The following GREB1 variants were observed in gnomAD, a reference collection of about 807,000 sequenced individuals.
The protein encoded by GREB1 is growth regulating estrogen receptor binding 1.
In GREB1, 106 loss-of-function variants were observed where a neutral mutation model predicts 200.7. The observed-to-expected ratio is 0.53, with a 90% CI of 0.45 to 0.62. The LOEUF (loss-of-function observed/expected upper bound fraction) is 0.62, where lower values mean the gene tolerates loss of function less well. Ranked by LOEUF, GREB1 falls within the 20% of genes least tolerant of loss-of-function variation. The pLI, the probability that GREB1 is intolerant of heterozygous loss-of-function variation, is 0.00. For missense variants in GREB1, 2,243 were observed against 2,556.8 expected, an observed-to-expected ratio of 0.88 and a Z score of 2.65; for synonymous variants, 1,132 against 1,092.4, an observed-to-expected ratio of 1.04 and a Z score of -0.72.
At chr2:11,527,543 C>CA (rs1213423807) in intron 1 of GREB1, among the ~76,000 whole-genome samples, 9 of 152,188 alleles carry the variant, frequency 5.9e-5, no homozygotes, top group Admixed American at 3.9e-4. Context: ...AGCTTGGTCC[C>CA]AGAGTGGGAC....
intron 1 of GREB1, among the ~76,000 whole-genome samples, chr2:11,527,428 G>A (rs745466794): frequency 1.3e-5 from 2 of 152,190 alleles, no homozygotes; most frequent in African/African-American, 2.4e-5. Context: ...GCTGTTTTCT[G>A]TAATGGTTTC....
At chr2:11,636,721 G>C (rs1572227284) in intron 30 of GREB1, among the ~76,000 whole-genome samples, 1 of 151,988 alleles carries the variant, frequency 6.6e-6, no homozygotes, top group Non-Finnish European at 1.5e-5. Context: ...CCCAGGCAGG[G>C]GCAAGGGCAG....
At chr2:11,545,488 C>G (rs1675187197) in intron 1 of GREB1, among the ~76,000 whole-genome samples, 1 of 152,168 alleles carries the variant, frequency 6.6e-6, no homozygotes, top group Non-Finnish European at 1.5e-5. Context: ...ACAAAAGAAC[C>G]CAAGGCAATC....
intron 1 of GREB1, among the ~76,000 whole-genome samples, chr2:11,523,737 C>A (rs1673780775): frequency 6.6e-6 from 1 of 152,184 alleles, no homozygotes; most frequent in Non-Finnish European, 1.5e-5. Flanking sequence ...CAGTCTCCTT[C>A]CTGTTTTCTT....
At chr2:11,615,413 G>C (rs1009886845) in intron 20 of GREB1, 123 bp downstream of exon 20, 2 of 784,294 alleles carry the variant, frequency 2.6e-6, no homozygotes, top group African/African-American at 3.4e-5. Flanking sequence ...CCTGGGACCT[G>C]TCTGCTGGAC....
chr2:11,565,219 G>A (rs896997283), intron 3 of GREB1, among the ~76,000 whole-genome samples: 4 of 152,172 alleles, frequency 2.6e-5, no homozygotes, highest in African/African-American at 4.8e-5. Flanking sequence ...TTCAAAATGG[G>A]AACAGCCACA....
At chr2:11,539,496 C>T (rs1426134599) in intron 1 of GREB1, among the ~76,000 whole-genome samples, 1 of 152,316 alleles carries the variant, frequency 6.6e-6, no homozygotes, top group Non-Finnish European at 1.5e-5. Context: ...TGTAGTCCTT[C>T]GGAGGCAAGC....
chr2:11,564,113 A>G (rs1677374934), intron 3 of GREB1, among the ~76,000 whole-genome samples: 1 of 152,190 alleles, frequency 6.6e-6, no homozygotes, highest in Non-Finnish European at 1.5e-5. Context: ...GTGAAATTAC[A>G]GCTCATTTGG....
chr2:11,495,496 A>G (rs989606752), intron 1 of GREB1, among the ~76,000 whole-genome samples: 4 of 152,126 alleles, frequency 2.6e-5, no homozygotes, highest in Admixed American at 2.0e-4. Flanking sequence ...CTTCTAACCA[A>G]ACTGTTACCT....
rs573441774 is a variant in GREB1, at chr2:11,493,690, G to A, written c.-159+11309G>A. Among the ~76,000 whole-genome samples the A allele has an allele frequency of 2.0e-5, 3 of 152,282 alleles. No homozygotes were observed. The highest frequency in any genetic ancestry group is 7.2e-5 in the African/African-American group (3 of 41,542). ...ATGCAACCTTATGTTTTTGAAGGTTGCATTTTTTTCCCCAAAATTTTAGAG... is the reference window on the plus strand; with the variant it reads ...ATGCAACCTTATGTTTTTGAAGGTTACATTTTTTTCCCCAAAATTTTAGAG... On this transcript the variant is annotated intron_variant, in intron 1 of 2. Transcript: ENST00000628795. This position sits in a 1 kb window ranked among gnomAD's most constrained non-coding sequence, Gnocchi z 4.6.
chr2:11,575,681 C>G (rs144947777), intron 4 of GREB1, among the ~76,000 whole-genome samples: 2 of 152,338 alleles, frequency 1.3e-5, no homozygotes, highest in African/African-American at 4.8e-5. Context: ...TTCAGAAACT[C>G]ACGGGATCAA....
chr2:11,533,115 A>C (rs937122878), upstream of GREB1, among the ~76,000 whole-genome samples: 2 of 152,232 alleles, frequency 1.3e-5, no homozygotes, highest in South Asian at 2.1e-4. Context: ...GATCAACATG[A>C]GACAAAAAAC....
chr2:11,608,436 G>C (rs771386788), intron 17 of GREB1, among the ~76,000 whole-genome samples: 5 of 151,972 alleles, frequency 3.3e-5, no homozygotes, highest in Non-Finnish European at 5.9e-5. Context: ...TTATTTACAT[G>C]TCTGGTAATT....
intron 21 of GREB1, among the ~76,000 whole-genome samples, chr2:11,617,103 A>T (rs1452701869): frequency 6.6e-6 from 1 of 152,216 alleles, no homozygotes; most frequent in Non-Finnish European, 1.5e-5. Flanking sequence ...GAGCGCAAGG[A>T]GAGAAGTAGA....
intron 1 of GREB1, among the ~76,000 whole-genome samples, chr2:11,509,289 A>G (rs1212279036): frequency 6.6e-6 from 1 of 152,212 alleles, no homozygotes; most frequent in Non-Finnish European, 1.5e-5. Context: ...ACACAAAAGA[A>G]AAAGGAATAT....
chr2:11,591,552 G>A, intron 10 of GREB1: 2 of 686,958 alleles, frequency 2.9e-6, no homozygotes, highest in Non-Finnish European at 5.4e-6. Context: ...TAACCCAAAT[G>A]ATGGTACCCA....
intron 4 of GREB1, among the ~76,000 whole-genome samples, chr2:11,573,247 T>C (rs1357781881): frequency 1.3e-5 from 2 of 152,168 alleles, no homozygotes; most frequent in Admixed American, 1.3e-4. Flanking sequence ...ACGTGCTTGT[T>C]AAACAAATGC....
Position 11,597,996 on chromosome 2 carries a change from G to T in GREB1, c.2152+18G>T. 2 of 1,587,796 alleles carry T rather than the reference G, an allele frequency of 1.3e-6. No individual in the cohort carries two copies. The highest frequency in any genetic ancestry group is 1.7e-6 in the Non-Finnish European group (2 of 1,156,138). On this transcript the variant is annotated intron_variant, in intron 14 of 32. Transcript: ENST00000381486. This position sits in a 1 kb window ranked among gnomAD's most constrained non-coding sequence, Gnocchi z 4.1. ...GCATTCAGGTATGGGGCATTTTGGG[G>T]AGAAGTCACGTGTGGAGAAGCTTTG...
At position 11,618,355 on chromosome 2, in the gene GREB1, G is replaced by A. The variant is rs763230192; in HGVS notation, c.3480G>A (p.Ser1160=). The A allele has an allele frequency of 3.5e-5, 56 of 1,607,910 alleles. No homozygotes were observed. Among genetic ancestry groups the A allele is most frequent in the Admixed American group, 1.2e-4 (7 of 59,672 alleles). Residue 1160 remains serine (S), a synonymous_variant, in exon 22 of 33, where the codon TCG becomes TCA. Transcript: ENST00000381486. ...TALPQGEHAR[S]PQPRGPAEEG... is the part of the protein sequence containing the mutation. ...TCCCCCAGGGAGAGCATGCCAGGTC[G>A]CCCCAGCCCCGTGGCCCCGCAGAGG...
Sources: gnomAD v4.1 joint callset for allele counts (sites outside exome capture counted in the v4.1 genomes callset) on GRCh38, gnomAD v4.1.1 for gene constraint, Gnocchi (gnomAD v3.1) non-coding constraint, MANE v1.5 for transcripts, NCBI Gene and HGNC (gene_info 2026-07-23, HGNC 2026-07-21) for gene names.